Variants in GALNT13 observed in about 807,000 individuals in gnomAD.
The protein encoded by GALNT13 is UDP-GalNAc:polypeptide N-acetylgalactosaminyltransferase 13.
GALNT13 carries 28 observed loss-of-function variants against 64.2 expected under a neutral mutation model. The ratio of observed to expected loss-of-function variants is 0.44; its 90% CI spans 0.32 to 0.60. GALNT13 has a LOEUF of 0.60. Ranked by LOEUF, GALNT13 falls within the 20% of genes least tolerant of loss-of-function variation. GALNT13 has a pLI of 0.05. For missense variants in GALNT13, 577 were observed against 669.8 expected (o/e 0.86, Z 1.53); for synonymous variants, 214 against 224.6 (o/e 0.95, Z 0.42).
At chr2:153,327,780 T>C in the GALNT13 span, among the ~76,000 whole-genome samples, 1,922 of 152,184 alleles carry the variant, frequency 0.013, 47 homozygotes, top group African/African-American at 0.044. Flanking sequence ...ACCCACCTTC[T>C]GAAGCCTACT....
chr2:154,171,628 A>T (rs576357990), intron 4 of GALNT13, among the ~76,000 whole-genome samples: 11 of 152,182 alleles, frequency 7.2e-5, no homozygotes, highest in African/African-American at 2.6e-4. Flanking sequence ...TCTGCTTTGG[A>T]ACACTCTGAA....
At chr2:154,257,083 A>G (rs1260755922) in intron 7 of GALNT13, among the ~76,000 whole-genome samples, 1 of 152,164 alleles carries the variant, frequency 6.6e-6, no homozygotes, top group Non-Finnish European at 1.5e-5. Flanking sequence ...CACAAAAAAA[A>G]CTATCCAGGA....
the GALNT13 span, among the ~76,000 whole-genome samples, chr2:153,325,780 G>A: frequency 2.0e-5 from 3 of 152,150 alleles, no homozygotes; most frequent in Admixed American, 2.0e-4. Flanking sequence ...GGAGGAGGTT[G>A]TTCAGTTTCC....
the GALNT13 span, among the ~76,000 whole-genome samples, chr2:153,806,680 T>TA: frequency 0.43 from 57,722 of 135,110 alleles, 12,393 homozygotes; most frequent in Admixed American, 0.57. Flanking sequence ...TGTCAATTTG[T>TA]AAAAAAAAAA....
chr2:153,673,091 A>AG, the GALNT13 span, among the ~76,000 whole-genome samples: 1 of 152,208 alleles, frequency 6.6e-6, no homozygotes. Flanking sequence ...AACAAAGTCC[A>AG]GGACCAGATG....
chr2:153,107,092 T>C, the GALNT13 span, among the ~76,000 whole-genome samples: 1 of 152,220 alleles, frequency 6.6e-6, no homozygotes, highest in Non-Finnish European at 1.5e-5. Context: ...TCTGTTCATC[T>C]TAATTTGGGC....
the GALNT13 span, among the ~76,000 whole-genome samples, chr2:153,203,321 A>G: frequency 6.6e-6 from 1 of 152,182 alleles, no homozygotes; most frequent in Non-Finnish European, 1.5e-5. Context: ...TTTTTCCCCT[A>G]ATTTTCTGAC....
At chr2:153,521,813 C>A in the GALNT13 span, among the ~76,000 whole-genome samples, 1 of 152,122 alleles carries the variant, frequency 6.6e-6, no homozygotes, top group African/African-American at 2.4e-5. Context: ...TCAAATTGAT[C>A]TCTTTCCCTT....
At chr2:153,371,232 A>G in the GALNT13 span, among the ~76,000 whole-genome samples, 1 of 152,228 alleles carries the variant, frequency 6.6e-6, no homozygotes, top group Admixed American at 6.5e-5. Flanking sequence ...AAAACTTCAT[A>G]TGTAGTAGTA....
intron 2 of GALNT13, among the ~76,000 whole-genome samples, chr2:153,913,658 GAT>G (rs1689136792): frequency 1.3e-5 from 2 of 152,212 alleles, no homozygotes; most frequent in African/African-American, 4.8e-5. Context: ...AGAGGGCTGT[GAT>G]GAGAGCAGCT....
intron 8 of GALNT13, among the ~76,000 whole-genome samples, chr2:154,283,680 A>C (rs1692091741): frequency 6.6e-6 from 1 of 151,826 alleles, no homozygotes; most frequent in Non-Finnish European, 1.5e-5. Context: ...ATATATACAA[A>C]ATACACACAC....
the GALNT13 span, among the ~76,000 whole-genome samples, chr2:153,662,705 TAA>T: frequency 2.6e-5 from 4 of 152,238 alleles, no homozygotes; most frequent in Non-Finnish European, 4.4e-5. Flanking sequence ...GACATTTATA[TAA>T]TACATTTACT....
the GALNT13 span, among the ~76,000 whole-genome samples, chr2:153,603,643 AC>A: frequency 3.9e-5 from 6 of 152,066 alleles, no homozygotes; most frequent in African/African-American, 1.4e-4. Flanking sequence ...TTAATCCTCA[AC>A]TTTTCCTATT....
At chr2:153,334,551 T>G in the GALNT13 span, among the ~76,000 whole-genome samples, 1 of 152,198 alleles carries the variant, frequency 6.6e-6, no homozygotes, top group Non-Finnish European at 1.5e-5. Context: ...ATAAAGATTT[T>G]TTTTTTTTAA....
At chr2:154,230,375 A>G (rs1391518584) in intron 4 of GALNT13, among the ~76,000 whole-genome samples, 2 of 152,130 alleles carry the variant, frequency 1.3e-5, no homozygotes, top group African/African-American at 4.8e-5. Flanking sequence ...AATAGCATGA[A>G]AGAATTATAT....
chr2:153,269,182 TAA>T, the GALNT13 span, among the ~76,000 whole-genome samples: 2 of 152,086 alleles, frequency 1.3e-5, no homozygotes, highest in Non-Finnish European at 2.9e-5. Context: ...TCTACTTTTT[TAA>T]AAAAAATAAA....
chr2:154,405,670 C>T (rs1259391319), intron 10 of GALNT13, among the ~76,000 whole-genome samples: 1 of 151,608 alleles, frequency 6.6e-6, no homozygotes, highest in African/African-American at 2.4e-5. Flanking sequence ...AGAGAATTGC[C>T]ACCACTGCAC....
the GALNT13 span, among the ~76,000 whole-genome samples, chr2:153,091,666 C>T: frequency 6.6e-5 from 10 of 152,316 alleles, no homozygotes; most frequent in African/African-American, 1.7e-4. Context: ...CCCAAACAAT[C>T]ACCTCTGTAT....
At chr2:153,262,904 T>G in the GALNT13 span, among the ~76,000 whole-genome samples, 1 of 151,910 alleles carries the variant, frequency 6.6e-6, no homozygotes, top group South Asian at 2.1e-4. Flanking sequence ...ACAAGAATGC[T>G]CTCTCTCACC....
Sources: gnomAD v4.1 joint callset for allele counts (sites outside exome capture counted in the v4.1 genomes callset) on GRCh38, gnomAD v4.1.1 for gene constraint, MANE v1.5 for transcripts, NCBI Gene and HGNC (gene_info 2026-07-23, HGNC 2026-07-21) for gene names.